The following MED13L variants were observed in gnomAD, a reference collection of about 807,000 sequenced individuals.
The protein encoded by MED13L is mediator complex subunit 13L.
A neutral mutation model predicts 220.9 loss-of-function variants in MED13L; 7 were observed. The ratio of observed to expected loss-of-function variants is 0.03; its 90% CI spans 0.02 to 0.06. The LOEUF is 0.06. Ranked by LOEUF, MED13L falls within the 10% of genes least tolerant of loss-of-function variation. MED13L has a pLI of 1.00. For missense variants in MED13L, 1,965 were observed against 2,760.5 expected (o/e 0.71, Z 6.46); for synonymous variants, 1,011 against 1,015.2 (o/e 1.00, Z 0.08).
intron 2 of MED13L, among the ~76,000 whole-genome samples, chr12:116,133,950 C>T (rs970224625): frequency 2.1e-4 from 32 of 152,138 alleles, no homozygotes; most frequent in African/African-American, 7.7e-4. Flanking sequence ...AAACACCTCC[C>T]GAGGCAATCA....
At chr12:116,247,834 G>T (rs1784680693) in intron 1 of MED13L, among the ~76,000 whole-genome samples, 1 of 152,116 alleles carries the variant, frequency 6.6e-6, no homozygotes, top group Admixed American at 6.6e-5. Flanking sequence ...GTAAGTATAA[G>T]GGCTCAGAGG....
Position 115,995,061 on chromosome 12 carries a change from G to T in MED13L, c.2996+1415C>A, listed in dbSNP as rs536663692. 1.6e-4 allele frequency among the ~76,000 whole-genome samples: 24 copies of T among 152,228 alleles called. 3 individuals carry two copies. Among genetic ancestry groups the T allele is most frequent in the African/African-American group, 5.5e-4 (23 of 41,546 alleles). The stretch of plus-strand genomic sequence containing the variant: ...CTGCAAGTGTAGCTTCCTAAGTCTA[G>T]GATTCCTCTGTACTTTTCTGTCACC... On this transcript the variant is annotated intron_variant, in intron 16 of 30. Transcript: ENST00000281928.
At chr12:116,076,668 A>G (rs571948914) in intron 4 of MED13L, among the ~76,000 whole-genome samples, 2 of 152,310 alleles carry the variant, frequency 1.3e-5, no homozygotes, top group South Asian at 2.1e-4. Context: ...AATCACCATA[A>G]TATTGTGACA....
chr12:115,990,691 C>T (rs769822422), intron 17 of MED13L, among the ~76,000 whole-genome samples: 4 of 152,194 alleles, frequency 2.6e-5, no homozygotes, highest in Non-Finnish European at 5.9e-5. Flanking sequence ...TGGATTTAAG[C>T]ATGCAAGAGT....
intron 14 of MED13L, among the ~76,000 whole-genome samples, chr12:116,000,259 C>T (rs994067925): frequency 6.6e-6 from 1 of 152,184 alleles, no homozygotes; most frequent in Non-Finnish European, 1.5e-5. Context: ...CTCCAAGAAA[C>T]ACTTTGGTCC....
chr12:116,138,076 G>C (rs545500985), intron 2 of MED13L, among the ~76,000 whole-genome samples: 1 of 151,752 alleles, frequency 6.6e-6, no homozygotes, highest in African/African-American at 2.4e-5. Context: ...GGCTGGTCTC[G>C]AACTCCTGAC....
intron 14 of MED13L, among the ~76,000 whole-genome samples, chr12:115,997,555 G>A (rs1878483789): frequency 6.6e-6 from 1 of 152,180 alleles, no homozygotes; most frequent in Non-Finnish European, 1.5e-5. Flanking sequence ...CCAAGTAGCT[G>A]GGACTATAGG....
intron 30 of MED13L, chr12:115,961,660 G>A (rs1488640385): frequency 7.9e-6 from 4 of 505,356 alleles, no homozygotes; most frequent in African/African-American, 5.8e-5. Context: ...TGCAGGTAAA[G>A]TAGGCACTGG....
At chr12:116,000,494 C>G (rs912495686) in intron 14 of MED13L, among the ~76,000 whole-genome samples, 6 of 152,288 alleles carry the variant, frequency 3.9e-5, no homozygotes, top group African/African-American at 1.4e-4. Context: ...AGACCTCCAA[C>G]AAAGCAGCAT....
intron 4 of MED13L, among the ~76,000 whole-genome samples, chr12:116,077,493 A>G (rs1344164748): frequency 6.6e-6 from 1 of 152,220 alleles, no homozygotes; most frequent in African/African-American, 2.4e-5. Context: ...ATATATGCAT[A>G]TACTTGGACT....
chr12:116,276,118 A>T (rs558413343), intron 1 of MED13L, among the ~76,000 whole-genome samples: 1 of 152,326 alleles, frequency 6.6e-6, no homozygotes, highest in African/African-American at 2.4e-5. Flanking sequence ...ATACATTTTT[A>T]ATTTCGATGA....
At chr12:116,199,561 A>G (rs953154992) in intron 2 of MED13L, among the ~76,000 whole-genome samples, 4 of 152,222 alleles carry the variant, frequency 2.6e-5, no homozygotes, top group Admixed American at 2.6e-4. Flanking sequence ...TCAAATGCCT[A>G]GGTTTCTACT....
At chr12:116,112,882 T>C (rs1446033789) in intron 2 of MED13L, among the ~76,000 whole-genome samples, 1 of 152,172 alleles carries the variant, frequency 6.6e-6, no homozygotes, top group African/African-American at 2.4e-5. Flanking sequence ...TTTGTTTTTA[T>C]TTCCTACTGT....
chr12:116,203,725 C>T (rs1289599789), intron 2 of MED13L, among the ~76,000 whole-genome samples: 1 of 152,026 alleles, frequency 6.6e-6, no homozygotes, highest in Non-Finnish European at 1.5e-5. Context: ...GAGATTGAGG[C>T]AGGGAGAACT....
chr12:116,026,806 T>A (rs1409215045), intron 4 of MED13L, among the ~76,000 whole-genome samples: 2 of 152,204 alleles, frequency 1.3e-5, no homozygotes, highest in African/African-American at 2.4e-5. Flanking sequence ...TATAAAACTA[T>A]GGTATAGAGT....
rs1877397054 is a variant in MED13L at position 115,982,496 on chromosome 12, G to C, written c.5063C>G (p.Ala1688Gly). ...VIYMVDPFTY[A>G]AEEDSTSGNF... Reference sequence around the variant, plus strand: ...CCCAGAAGTGGAGTCCTCCTCTGCAGCATACGTGAACGGGTCCACCATGTA... The same window carrying C: ...CCCAGAAGTGGAGTCCTCCTCTGCACCATACGTGAACGGGTCCACCATGTA... Residue 1688 changes from alanine to glycine, a missense_variant, in exon 22 of 31, where the codon GCT becomes GGT. This residue lies in a region of MED13L where 510 missense variants were observed against 620.4 expected (regional missense o/e 0.82). Coordinates refer to ENST00000281928, the MANE Select transcript of MED13L (RefSeq NM_015335.5). 3.1e-6 allele frequency: 5 copies of C among 1,614,160 alleles called. No individual in the cohort carries two copies. In the East Asian group the frequency reaches 1.1e-4, roughly 36 times the overall value.
At chr12:115,966,640 G>A (rs1468087600) in intron 28 of MED13L, among the ~76,000 whole-genome samples, 1 of 152,136 alleles carries the variant, frequency 6.6e-6, no homozygotes, top group African/African-American at 2.4e-5. Context: ...AGCCTGACCA[G>A]GACAATGTGA....
chr12:116,060,288 CA>C (rs1312969581), intron 4 of MED13L, among the ~76,000 whole-genome samples: 4 of 151,588 alleles, frequency 2.6e-5, no homozygotes, highest in Non-Finnish European at 4.4e-5. Context: ...GAAAAATTCA[CA>C]AAAACAGGCC....
In MED13L at chr12:116,008,838, A is replaced by G. The variant is rs1034465423; in HGVS notation, c.1575T>C (p.Tyr525=). ...TGGAAGGCACGGCCATTTGCTTATC[A>G]TATTTCCTACTGCTAGACACCTCTA... The part of the protein sequence containing the change: ...SSLEVSSSRK[Y]DKQMAVPSRN... Residue 525 remains tyrosine (Y), a synonymous_variant, in exon 10 of 31, where the codon TAT becomes TAC. Transcript: ENST00000281928. 6 of 1,614,046 alleles carry G rather than the reference A, an allele frequency of 3.7e-6. No individual in the cohort carries two copies. The highest frequency in any genetic ancestry group is 1.7e-5 in the Admixed American group (1 of 60,014).
Sources: gnomAD v4.1 joint callset for allele counts (sites outside exome capture counted in the v4.1 genomes callset) on GRCh38, gnomAD v4.1.1 for gene constraint, gnomAD v4.1.1 regional missense constraint, MANE v1.5 for transcripts, NCBI Gene and HGNC (gene_info 2026-07-23, HGNC 2026-07-21) for gene names.